STXBP5: variants seen among roughly 807,000 people sequenced by gnomAD.
STXBP5 encodes the protein syntaxin-binding protein 5.
A neutral mutation model predicts 152.4 loss-of-function variants in STXBP5; 50 were observed. The ratio of observed to expected loss-of-function variants is 0.33; its 90% CI spans 0.26 to 0.42. The LOEUF (loss-of-function observed/expected upper bound fraction) is 0.42. Ranked by LOEUF, STXBP5 falls within the 10% of genes least tolerant of loss-of-function variation. The probability of loss-of-function intolerance (pLI) is 1.00; values close to 1 mark genes in which losing one functional copy is unlikely to be tolerated. For synonymous variants in STXBP5, 492 were observed against 494.7 expected, an observed-to-expected ratio of 0.99 and a Z score of 0.07; for missense variants, 1,167 against 1,388.6, an observed-to-expected ratio of 0.84 and a Z score of 2.54.
chr6:147,232,002 A>C (rs1463582378), intron 2 of STXBP5, among the ~76,000 whole-genome samples: 1 of 151,892 alleles, frequency 6.6e-6, no homozygotes, highest in African/African-American at 2.4e-5. Context: ...AACATAGTGA[A>C]TAATACATTG....
chr6:147,352,746 TCTCA>T (rs1228512494), intron 21 of STXBP5, among the ~76,000 whole-genome samples: 1 of 152,226 alleles, frequency 6.6e-6, no homozygotes, highest in Non-Finnish European at 1.5e-5. Flanking sequence ...AGTTACTGTT[TCTCA>T]CTCAGAAAAG....
chr6:147,370,363 A>AT (rs1314487083), intron 25 of STXBP5, among the ~76,000 whole-genome samples: 3 of 152,036 alleles, frequency 2.0e-5, no homozygotes, highest in Non-Finnish European at 4.4e-5. Context: ...AATTCACCAA[A>AT]TTGTACACCT....
chr6:147,329,498 A>G (rs1416353445), intron 18 of STXBP5, among the ~76,000 whole-genome samples: 2 of 150,868 alleles, frequency 1.3e-5, no homozygotes, highest in Non-Finnish European at 3.0e-5. Flanking sequence ...AAAATTAAAT[A>G]TAGAATGATT....
intron 25 of STXBP5, among the ~76,000 whole-genome samples, chr6:147,371,133 A>G (rs1453547402): frequency 1.3e-5 from 2 of 152,100 alleles, no homozygotes; most frequent in South Asian, 2.1e-4. Context: ...ACCATCTACT[A>G]TGAATAGATG....
chr6:147,359,953 A>G (rs920922481), intron 23 of STXBP5, among the ~76,000 whole-genome samples: 2 of 152,186 alleles, frequency 1.3e-5, no homozygotes, highest in Admixed American at 6.5e-5. Context: ...TTTACAAGAA[A>G]AAAACAAACA....
chr6:147,298,868 C>G (rs1024761937), intron 9 of STXBP5, among the ~76,000 whole-genome samples: 1 of 151,896 alleles, frequency 6.6e-6, no homozygotes, highest in Non-Finnish European at 1.5e-5. Context: ...ATACTTCCAT[C>G]AGAAAAGCAC....
chr6:147,272,617 A>T (rs1019469022), intron 7 of STXBP5, among the ~76,000 whole-genome samples: 2 of 152,180 alleles, frequency 1.3e-5, no homozygotes, highest in Non-Finnish European at 2.9e-5. Flanking sequence ...GATTTTGACA[A>T]AATACTACCT....
chr6:147,273,849 G>A (rs765103163), intron 7 of STXBP5, among the ~76,000 whole-genome samples: 1 of 152,042 alleles, frequency 6.6e-6, no homozygotes, highest in Non-Finnish European at 1.5e-5. Context: ...CTACTCGGGA[G>A]GCTGAGGCAG....
At position 147,363,737 on chromosome 6, in the gene STXBP5, T is replaced by C. The variant is rs137896479; in HGVS notation, c.2915+33T>C. ...TTAGATATGTTTTAAAACACAGATA[T>C]AGCATTTCCTCCCTCAAACTATACT... On this transcript the variant is annotated intron_variant, in intron 24 of 27. Transcript: ENST00000321680. 3.8e-4 allele frequency: 596 copies of C among 1,563,474 alleles called. 2 individuals carry two copies. In the African/African-American group the frequency reaches 7.4e-3, roughly 19 times the overall value.
At chr6:147,235,441 T>A in intron 3 of STXBP5, 110 bp downstream of exon 3, 1 of 786,948 alleles carries the variant, frequency 1.3e-6, no homozygotes, top group Non-Finnish European at 2.0e-6. Flanking sequence ...GAACAAAAAT[T>A]AATTTATAAT....
chr6:147,224,133 A>G (rs1280109564), intron 2 of STXBP5, among the ~76,000 whole-genome samples: 4 of 152,232 alleles, frequency 2.6e-5, no homozygotes, highest in African/African-American at 7.2e-5. Flanking sequence ...ATTCTTAAAC[A>G]TGCAGGGCTT....
intron 4 of STXBP5, among the ~76,000 whole-genome samples, chr6:147,258,319 A>G (rs1396669714): frequency 1.3e-5 from 2 of 152,212 alleles, no homozygotes; most frequent in African/African-American, 2.4e-5. Context: ...CATTTCCTTA[A>G]AAAAAGATTT....
At chr6:147,215,412 G>A (rs967767277) in intron 2 of STXBP5, among the ~76,000 whole-genome samples, 3 of 152,076 alleles carry the variant, frequency 2.0e-5, no homozygotes, top group African/African-American at 7.2e-5. Flanking sequence ...GACAAGGTCT[G>A]GCTCTGTCGC....
intron 2 of STXBP5, among the ~76,000 whole-genome samples, chr6:147,219,579 A>G (rs1407475650): frequency 2.6e-5 from 4 of 152,158 alleles, no homozygotes; most frequent in African/African-American, 4.8e-5. Flanking sequence ...ATAGAAGCCT[A>G]TTCAGATTGT....
At chr6:147,329,866 A>T (rs1187827300) in intron 18 of STXBP5, among the ~76,000 whole-genome samples, 1 of 151,834 alleles carries the variant, frequency 6.6e-6, no homozygotes, top group East Asian at 1.9e-4. Flanking sequence ...TGACCTCATG[A>T]TCCGCCCGCC....
intron 16 of STXBP5, among the ~76,000 whole-genome samples, chr6:147,317,955 C>T (rs536654067): frequency 6.6e-6 from 1 of 151,978 alleles, no homozygotes; most frequent in East Asian, 1.9e-4. Flanking sequence ...TTTTTTGTAA[C>T]GTATTTCTAT....
At position 147,339,354 on chromosome 6, in the gene STXBP5, A is replaced by G; in HGVS notation, c.2224A>G (p.Lys742Glu). ...GTTTTCAGTGAAGACCAAAAGCAGAAAGTTTTCCAAGATGGTAGCCAATGA... is the reference window on the plus strand; with the variant it reads ...GTTTTCAGTGAAGACCAAAAGCAGAGAGTTTTCCAAGATGGTAGCCAATGA... ...FIEKVKTKSR[K>E]FSKMVANDIA... The change falls in exon 21 of 28, where the codon AAG becomes GAG. Residue 742 changes from lysine (K) to glutamate (E), a missense_variant. By Grantham distance (56) the Lys-to-Glu change is moderately conservative. This residue lies in a region of STXBP5 where 833 missense variants were observed against 986.3 expected (regional missense o/e 0.84). Transcript: ENST00000321680. 1.3e-6 allele frequency: 2 copies of G among 1,499,908 alleles called. No individual in the cohort carries two copies. Among genetic ancestry groups the G allele is most frequent in the East Asian group, 2.5e-5 (1 of 39,582 alleles). The allele number at this position is 1,499,908 out of a possible 1,614,324, so 92.9% of individuals were successfully genotyped here.
intron 16 of STXBP5, among the ~76,000 whole-genome samples, chr6:147,323,851 C>G (rs1405132080): frequency 6.6e-6 from 1 of 152,204 alleles, no homozygotes; most frequent in Non-Finnish European, 1.5e-5. Context: ...AGAATCAGTA[C>G]TCAAAGTCCA....
At chr6:147,222,488 A>G (rs1254374505) in intron 2 of STXBP5, among the ~76,000 whole-genome samples, 1 of 152,050 alleles carries the variant, frequency 6.6e-6, no homozygotes, top group Non-Finnish European at 1.5e-5. Context: ...TTCTCCCCAC[A>G]CTTCCTCCCA....
Sources: allele counts gnomAD v4.1 joint callset (sites outside exome capture counted in the v4.1 genomes callset), GRCh38; gene constraint gnomAD v4.1.1; regional missense constraint gnomAD v4.1.1; transcripts MANE v1.5; gene names NCBI Gene and HGNC (gene_info 2026-07-23, HGNC 2026-07-21).